SLC24A2: variants seen among roughly 807,000 people sequenced by gnomAD.
SLC24A2 encodes solute carrier family 24 member 2, also known as sodium/potassium/calcium exchanger 2.
SLC24A2 carries 36 observed loss-of-function variants against 62.0 expected under a neutral mutation model. The ratio of observed to expected loss-of-function variants is 0.58; its 90% confidence interval spans 0.44 to 0.77. The LOEUF (loss-of-function observed/expected upper bound fraction) is 0.77. SLC24A2 is among the 30% of genes least tolerant of loss of function. The pLI is 0.00. For synonymous variants in SLC24A2, 358 were observed against 294.0 expected (o/e 1.22, Z -2.23); for missense variants, 846 against 817.9 (o/e 1.03, Z -0.42).
the SLC24A2 span, among the ~76,000 whole-genome samples, chr9:19,996,223 T>C: frequency 6.6e-6 from 1 of 152,204 alleles, no homozygotes; most frequent in East Asian, 1.9e-4. Context: ...TTGATTTTAC[T>C]GTTCAGGGTA....
the SLC24A2 span, among the ~76,000 whole-genome samples, chr9:19,893,833 G>A: frequency 6.6e-6 from 1 of 152,136 alleles, no homozygotes; most frequent in East Asian, 1.9e-4. Context: ...TTGTCAAATT[G>A]CACCTCATGT....
intron 2 of SLC24A2, among the ~76,000 whole-genome samples, chr9:19,689,700 T>C (rs1303850356): frequency 6.6e-6 from 1 of 152,130 alleles, no homozygotes; most frequent in East Asian, 1.9e-4. Context: ...TATTTTCTCC[T>C]GCCCAGCACC....
At chr9:20,288,430 G>A in the SLC24A2 span, among the ~76,000 whole-genome samples, 1 of 152,054 alleles carries the variant, frequency 6.6e-6, no homozygotes, top group African/African-American at 2.4e-5. Context: ...CGGGAGGTGG[G>A]GTAGTGGGAG....
At chr9:19,551,427 G>C (rs1331600563) in intron 7 of SLC24A2, among the ~76,000 whole-genome samples, 2 of 152,100 alleles carry the variant, frequency 1.3e-5, no homozygotes, top group East Asian at 1.9e-4. Context: ...GGCCCAGCAG[G>C]GGGTGACCGT....
the SLC24A2 span, among the ~76,000 whole-genome samples, chr9:20,118,183 G>C: frequency 7.0e-6 from 1 of 142,854 alleles, no homozygotes; most frequent in African/African-American, 2.6e-5. Flanking sequence ...GGTGAGAATC[G>C]AAAGAAAAAA....
the SLC24A2 span, among the ~76,000 whole-genome samples, chr9:20,048,557 T>A: frequency 6.6e-6 from 1 of 152,212 alleles, no homozygotes; most frequent in Non-Finnish European, 1.5e-5. Flanking sequence ...TGAAAAATAT[T>A]CTTCTTGGCA....
chr9:20,096,077 ATCCATCCATCCGTCCGTCCGTCCG>A, the SLC24A2 span, among the ~76,000 whole-genome samples: 1 of 145,802 alleles, frequency 6.9e-6, no homozygotes, highest in African/African-American at 2.7e-5. Flanking sequence ...GTATCCATCC[ATCCATCCATCCGTCCGTCCGTCCG>A]TCCGTCCGTC....
chr9:19,995,373 G>T, the SLC24A2 span, among the ~76,000 whole-genome samples: 3 of 152,130 alleles, frequency 2.0e-5, no homozygotes, highest in Non-Finnish European at 2.9e-5. Context: ...TGGAGGTTAT[G>T]TGTGGGTGCC....
At chr9:19,760,194 T>A (rs576035763) in intron 2 of SLC24A2, among the ~76,000 whole-genome samples, 1 of 152,076 alleles carries the variant, frequency 6.6e-6, no homozygotes, top group East Asian at 1.9e-4. Flanking sequence ...GCTCCCTCCT[T>A]ACTATTAAAA....
the SLC24A2 span, among the ~76,000 whole-genome samples, chr9:20,136,031 G>C: frequency 2.6e-5 from 4 of 152,080 alleles, no homozygotes; most frequent in African/African-American, 9.7e-5. Context: ...GGAGTGAAAT[G>C]ACAACCCCTC....
the SLC24A2 span, among the ~76,000 whole-genome samples, chr9:20,224,656 G>A: frequency 3.8e-3 from 579 of 151,570 alleles, 5 homozygotes; most frequent in African/African-American, 0.013. Context: ...GGGAAAGGGA[G>A]AAGAGAAGAG....
chr9:20,293,315 G>A, the SLC24A2 span, among the ~76,000 whole-genome samples: 1 of 152,288 alleles, frequency 6.6e-6, no homozygotes, highest in East Asian at 1.9e-4. Flanking sequence ...GAAAGGTAGG[G>A]TTGGCTCCCA....
At chr9:19,710,407 AG>A (rs932250212) in intron 2 of SLC24A2, among the ~76,000 whole-genome samples, 4 of 152,220 alleles carry the variant, frequency 2.6e-5, no homozygotes, top group South Asian at 2.1e-4. Flanking sequence ...TAGCCCTATC[AG>A]GGGGGTGGTG....
intron 2 of SLC24A2, among the ~76,000 whole-genome samples, chr9:19,739,401 G>T (rs1259148339): frequency 3.3e-5 from 5 of 151,938 alleles, no homozygotes; most frequent in Non-Finnish European, 7.4e-5. Context: ...AAGTTCTGAA[G>T]AAGAACAGAA....
chr9:20,077,121 G>C, the SLC24A2 span, among the ~76,000 whole-genome samples: 1 of 151,836 alleles, frequency 6.6e-6, no homozygotes, highest in Non-Finnish European at 1.5e-5. Context: ...TAAAAAAGTG[G>C]TAATCAGGGG....
chr9:20,198,064 G>A, the SLC24A2 span, among the ~76,000 whole-genome samples: 4 of 152,280 alleles, frequency 2.6e-5, no homozygotes, highest in East Asian at 3.9e-4. Flanking sequence ...TTGTAAAGGC[G>A]GTCATTTCCA....
intron 4 of SLC24A2, among the ~76,000 whole-genome samples, chr9:19,612,418 A>C (rs2208551): frequency 6.6e-6 from 1 of 152,144 alleles, no homozygotes; most frequent in East Asian, 1.9e-4. Flanking sequence ...AAGCTCAAGT[A>C]ATCGTTCTGC....
At chr9:19,733,846 A>T (rs1027993955) in intron 2 of SLC24A2, among the ~76,000 whole-genome samples, 1 of 151,772 alleles carries the variant, frequency 6.6e-6, no homozygotes, top group Non-Finnish European at 1.5e-5. Flanking sequence ...AAGGTAGAAA[A>T]CTCCCGTACT....
rs10448198 is a variant in SLC24A2 at position 19,683,747 on chromosome 9, C to G, written c.931-61448G>C. 2.6e-5 allele frequency among the ~76,000 whole-genome samples: 4 copies of G among 151,992 alleles called. No homozygotes were observed. In the South Asian group the frequency reaches 8.3e-4, roughly 32 times the overall value. On this transcript the variant is annotated intron_variant, in intron 2 of 10. Transcript: ENST00000341998. ...TAAGCAGAACTGAAATTTTATATAG[C>G]TAGAACAGCTTTCTTGTGCTGAGAT... is the stretch of plus-strand genomic sequence containing the variant.
Sources: allele counts gnomAD v4.1 joint callset (sites outside exome capture counted in the v4.1 genomes callset), GRCh38; gene constraint gnomAD v4.1.1; transcripts MANE v1.5; gene names NCBI Gene and HGNC (gene_info 2026-07-23, HGNC 2026-07-21).